The following GALNTL6 variants were observed in gnomAD, a reference collection of about 807,000 sequenced individuals.
GALNTL6 encodes polypeptide N-acetylgalactosaminyltransferase-like 6.
A neutral mutation model predicts 73.7 loss-of-function variants in GALNTL6; 46 were observed. The observed-to-expected ratio is 0.62, with a 90% CI of 0.49 to 0.80. The LOEUF is 0.80. Among genes scored for constraint, GALNTL6 ranks in the 30% least tolerant of loss-of-function variants. The probability of loss-of-function intolerance (pLI) is 0.00; values close to 1 mark genes in which losing one functional copy is unlikely to be tolerated. For synonymous variants in GALNTL6, 259 were observed against 263.7 expected (o/e 0.98, Z 0.17); for missense variants, 604 against 755.0 (o/e 0.80, Z 2.34).
At chr4:172,248,748 G>A (rs866796185) in intron 3 of GALNTL6, among the ~76,000 whole-genome samples, 13 of 152,034 alleles carry the variant, frequency 8.6e-5, no homozygotes, top group Admixed American at 7.2e-4. Flanking sequence ...AAGTTTTCAC[G>A]AGATCTGATG....
chr4:172,234,845 A>G (rs1737186901), intron 3 of GALNTL6, among the ~76,000 whole-genome samples: 1 of 152,142 alleles, frequency 6.6e-6, no homozygotes, highest in Non-Finnish European at 1.5e-5. Context: ...TTTATACTTC[A>G]TAATTGTTTG....
chr4:172,968,259 C>G (rs1344703688), intron 10 of GALNTL6, among the ~76,000 whole-genome samples: 1 of 152,078 alleles, frequency 6.6e-6, no homozygotes, highest in African/African-American at 2.4e-5. Context: ...GAAGAGTACT[C>G]AGAAATCAAC....
At chr4:172,823,129 C>T (rs1277184447) in intron 7 of GALNTL6, among the ~76,000 whole-genome samples, 1 of 152,166 alleles carries the variant, frequency 6.6e-6, no homozygotes, top group Non-Finnish European at 1.5e-5. Flanking sequence ...TGACTCTGCC[C>T]CAATAACATG....
chr4:171,915,122 T>C (rs1737581707), intron 2 of GALNTL6, among the ~76,000 whole-genome samples: 1 of 152,180 alleles, frequency 6.6e-6, no homozygotes, highest in Non-Finnish European at 1.5e-5. Flanking sequence ...TGTTTTAAAA[T>C]AAATTTCCTA....
intron 2 of GALNTL6, among the ~76,000 whole-genome samples, chr4:171,904,570 G>A (rs909833462): frequency 9.2e-5 from 14 of 152,290 alleles, no homozygotes; most frequent in African/African-American, 3.4e-4. Context: ...AAAACACTCT[G>A]CAGGATATTA....
At chr4:171,912,146 A>T (rs1737491753) in intron 2 of GALNTL6, among the ~76,000 whole-genome samples, 1 of 152,204 alleles carries the variant, frequency 6.6e-6, no homozygotes, top group Non-Finnish European at 1.5e-5. Context: ...AAAGGAAATT[A>T]AAGAAAATAA....
intron 5 of GALNTL6, among the ~76,000 whole-genome samples, chr4:172,437,893 G>T (rs935721772): frequency 1.3e-5 from 2 of 152,096 alleles, no homozygotes; most frequent in African/African-American, 4.8e-5. Context: ...AGTGCCATTA[G>T]ATGTGATAGG....
At chr4:172,387,862 T>C (rs1743527717) in intron 5 of GALNTL6, among the ~76,000 whole-genome samples, 1 of 152,186 alleles carries the variant, frequency 6.6e-6, no homozygotes, top group African/African-American at 2.4e-5. Flanking sequence ...TTGCTCATGC[T>C]GTATCCTCCT....
chr4:172,393,742 T>C (rs973849220), intron 5 of GALNTL6, among the ~76,000 whole-genome samples: 8 of 152,238 alleles, frequency 5.3e-5, no homozygotes, highest in African/African-American at 1.7e-4. Context: ...CTGGGCTTTA[T>C]GTAACTACTT....
intron 3 of GALNTL6, among the ~76,000 whole-genome samples, chr4:172,287,701 T>TC (rs1300218356): frequency 6.6e-6 from 1 of 152,120 alleles, no homozygotes; most frequent in Non-Finnish European, 1.5e-5. Context: ...CTAGTTATTA[T>TC]CCTCCTTGTG....
chr4:172,819,932 C>T (rs1741825470), intron 7 of GALNTL6, among the ~76,000 whole-genome samples: 1 of 152,192 alleles, frequency 6.6e-6, no homozygotes, highest in Admixed American at 6.5e-5. Flanking sequence ...TTCCCTAAAA[C>T]ACGACAATGC....
intron 5 of GALNTL6, among the ~76,000 whole-genome samples, chr4:172,717,682 G>T (rs922771836): frequency 1.3e-5 from 2 of 152,194 alleles, no homozygotes; most frequent in African/African-American, 4.8e-5. Flanking sequence ...AATATAAAAA[G>T]CCTTGGGAAG....
At chr4:172,406,504 G>A (rs1043776194) in intron 5 of GALNTL6, among the ~76,000 whole-genome samples, 4 of 151,950 alleles carry the variant, frequency 2.6e-5, no homozygotes, top group African/African-American at 4.8e-5. Flanking sequence ...AATGGCTTTA[G>A]TCTATTAGCT....
chr4:172,046,284 A>T (rs1276409281), intron 2 of GALNTL6, among the ~76,000 whole-genome samples: 1 of 152,070 alleles, frequency 6.6e-6, no homozygotes, highest in Non-Finnish European at 1.5e-5. Context: ...GAGCTTGTTA[A>T]ATCATATGGT....
chr4:173,030,521 T>C (rs962772883), intron 12 of GALNTL6, among the ~76,000 whole-genome samples: 3 of 152,282 alleles, frequency 2.0e-5, no homozygotes, highest in Admixed American at 1.3e-4. Context: ...CCTGCCCAGA[T>C]CTAGACTGTC....
At chr4:171,948,287 G>A (rs1738763852) in intron 2 of GALNTL6, among the ~76,000 whole-genome samples, 1 of 152,156 alleles carries the variant, frequency 6.6e-6, no homozygotes, top group Non-Finnish European at 1.5e-5. Flanking sequence ...TCATAAGACT[G>A]AAAGGACTTG....
intron 7 of GALNTL6, among the ~76,000 whole-genome samples, chr4:172,816,574 A>T (rs1741614584): frequency 1.3e-5 from 2 of 152,192 alleles, no homozygotes; most frequent in African/African-American, 4.8e-5. Flanking sequence ...CTTCACATAG[A>T]CTACACAGTC....
chr4:172,771,695 G>T (rs940649209), intron 5 of GALNTL6, among the ~76,000 whole-genome samples: 1 of 152,054 alleles, frequency 6.6e-6, no homozygotes, highest in Admixed American at 6.6e-5. Flanking sequence ...GAAACTCTTG[G>T]GATGTTTGTT....
intron 2 of GALNTL6, among the ~76,000 whole-genome samples, chr4:171,981,930 T>G (rs1249905487): frequency 2.6e-5 from 4 of 151,922 alleles, no homozygotes; most frequent in African/African-American, 9.7e-5. Flanking sequence ...TAACTACAGA[T>G]CTATTCCTGA....
Sources: gnomAD v4.1 joint callset for allele counts (sites outside exome capture counted in the v4.1 genomes callset) on GRCh38, gnomAD v4.1.1 for gene constraint, MANE v1.5 for transcripts, NCBI Gene and HGNC (gene_info 2026-07-23, HGNC 2026-07-21) for gene names.